Variants in STK4 observed in about 807,000 individuals in gnomAD.
The protein encoded by STK4 is serine/threonine-protein kinase 4.
A neutral mutation model predicts 64.9 loss-of-function variants in STK4; 30 were observed. The ratio of observed to expected loss-of-function variants is 0.46; its 90% CI spans 0.35 to 0.63. The LOEUF is 0.63. STK4 is among the 20% of genes least tolerant of loss of function. The probability of loss-of-function intolerance (pLI) is 0.01; values close to 1 mark genes in which losing one functional copy is unlikely to be tolerated. For synonymous variants in STK4, 177 were observed against 199.0 expected (o/e 0.89, Z 0.93); for missense variants, 466 against 598.5 (o/e 0.78, Z 2.31).
intron 9 of STK4, among the ~76,000 whole-genome samples, chr20:45,023,827 G>A (rs1393465831): frequency 1.3e-5 from 2 of 151,036 alleles, no homozygotes; most frequent in African/African-American, 4.9e-5. Flanking sequence ...CACACAGCAT[G>A]CAAGAACTGG....
intron 10 of STK4, among the ~76,000 whole-genome samples, chr20:45,074,606 T>A (rs1206806390): frequency 6.6e-6 from 1 of 152,050 alleles, no homozygotes; most frequent in Non-Finnish European, 1.5e-5. Flanking sequence ...AAAGGCGCTG[T>A]CCAGATAGAC....
chr20:44,994,788 C>G (rs1448952805), intron 5 of STK4, among the ~76,000 whole-genome samples: 2 of 152,048 alleles, frequency 1.3e-5, no homozygotes, highest in African/African-American at 4.8e-5. Flanking sequence ...ATTTTCTATG[C>G]TATTATCAGC....
chr20:45,049,279 T>A (rs1249697710), intron 10 of STK4, among the ~76,000 whole-genome samples: 1 of 152,186 alleles, frequency 6.6e-6, no homozygotes, highest in African/African-American at 2.4e-5. Context: ...CAGCAAAAAC[T>A]GTTCTTTAGA....
chr20:44,969,065 C>T (rs1459720037), intron 1 of STK4, among the ~76,000 whole-genome samples: 2 of 151,958 alleles, frequency 1.3e-5, no homozygotes, highest in African/African-American at 4.8e-5. Context: ...GTGTCCTAAT[C>T]TCCTCTTATA....
chr20:45,019,925 G>A (rs1270799158), intron 9 of STK4, among the ~76,000 whole-genome samples: 4 of 152,050 alleles, frequency 2.6e-5, no homozygotes, highest in South Asian at 2.1e-4. Flanking sequence ...TCTAGCTAAC[G>A]GGTGCTGAAA....
chr20:45,020,052 A>G (rs1018372781), intron 9 of STK4, among the ~76,000 whole-genome samples: 19 of 152,258 alleles, frequency 1.2e-4, no homozygotes, highest in Admixed American at 3.9e-4. Context: ...AGACTGTACA[A>G]TATGAGATGT....
chr20:45,032,175 A>G lies in STK4; in HGVS notation c.1305+7045A>G, dbSNP rs184708022. 4.2e-3 allele frequency among the ~76,000 whole-genome samples: 643 copies of G among 152,346 alleles called. 2 individuals carry two copies. Among genetic ancestry groups the G allele is most frequent in the African/African-American group, 0.015 (624 of 41,584 alleles). ...TTCAGTTAGACAAAAAACTAACGCAATTAACAACACTGATAAAACAGAAAA... is the reference window on the plus strand; with the variant it reads ...TTCAGTTAGACAAAAAACTAACGCAGTTAACAACACTGATAAAACAGAAAA... On this transcript the variant is annotated intron_variant, in intron 10 of 10. Coordinates refer to ENST00000372806, the MANE Select transcript of STK4 (RefSeq NM_006282.5).
chr20:44,971,665 C>CTTTTTTT (rs71197585), intron 1 of STK4, among the ~76,000 whole-genome samples: 6 of 90,370 alleles, frequency 6.6e-5, no homozygotes, highest in African/African-American at 1.3e-4. Context: ...AGCCACATGA[C>CTTTTTTT]TTTTTTTTTT....
chr20:44,989,445 A>G (rs2067594419), intron 5 of STK4, among the ~76,000 whole-genome samples: 1 of 152,106 alleles, frequency 6.6e-6, no homozygotes, highest in Non-Finnish European at 1.5e-5. Flanking sequence ...CCCATTTTTA[A>G]TTGGGTTATT....
chr20:44,980,627 G>A (rs1454655501), intron 3 of STK4, among the ~76,000 whole-genome samples: 1 of 152,136 alleles, frequency 6.6e-6, no homozygotes, highest in African/African-American at 2.4e-5. Context: ...AAATTCAAAT[G>A]AAAAGAAAAG....
At chr20:45,026,113 C>T (rs541306366) in intron 10 of STK4, among the ~76,000 whole-genome samples, 4 of 143,178 alleles carry the variant, frequency 2.8e-5, no homozygotes, top group Non-Finnish European at 6.0e-5. Flanking sequence ...TGTTCATTTA[C>T]TTACTTATCC....
At chr20:45,024,091 G>C (rs897613124) in intron 9 of STK4, among the ~76,000 whole-genome samples, 8 of 151,472 alleles carry the variant, frequency 5.3e-5, no homozygotes, top group African/African-American at 1.7e-4. Context: ...TAATAGAGAT[G>C]GGGTTTCATC....
At chr20:44,986,691 A>C (rs749247565) in intron 4 of STK4, among the ~76,000 whole-genome samples, 2 of 152,234 alleles carry the variant, frequency 1.3e-5, no homozygotes, top group Non-Finnish European at 2.9e-5. Context: ...CATGGTGATT[A>C]CAGAGGGTGT....
At chr20:44,973,076 G>T (rs1015084202) in intron 2 of STK4, 2 of 152,014 alleles carry the variant, frequency 1.3e-5, no homozygotes, top group Admixed American at 1.3e-4. Flanking sequence ...AGTATTTCTG[G>T]ATCAAGGGAA....
intron 10 of STK4, among the ~76,000 whole-genome samples, chr20:45,032,225 A>G (rs970583277): frequency 6.6e-6 from 1 of 152,142 alleles, no homozygotes; most frequent in African/African-American, 2.4e-5. Context: ...AATATATATG[A>G]AACTTTAAAA....
chr20:45,037,401 T>C (rs572165266), intron 10 of STK4, among the ~76,000 whole-genome samples: 92 of 149,920 alleles, frequency 6.1e-4, no homozygotes, highest in South Asian at 2.7e-3. Flanking sequence ...AGTACTCTTT[T>C]AGATTTTTTC....
At chr20:45,057,725 T>C (rs1477449150) in intron 10 of STK4, among the ~76,000 whole-genome samples, 1 of 152,226 alleles carries the variant, frequency 6.6e-6, no homozygotes, top group African/African-American at 2.4e-5. Context: ...TAAGTGTTTT[T>C]AACTCTGAGC....
chr20:44,991,939 C>T lies in STK4; in HGVS notation c.526-3151C>T, dbSNP rs536468187. On this transcript the variant is annotated intron_variant, in intron 5 of 10. Coordinates refer to ENST00000372806, the MANE Select transcript of STK4 (RefSeq NM_006282.5). ...TTGGCGTGCCAAAGTGCTGGGATTA[C>T]AGGTTTGAGCCATTGTGCCTGGCTG... Among the ~76,000 whole-genome samples the T allele has an allele frequency of 7.9e-5, 12 of 152,220 alleles. No homozygotes were observed. The South Asian group carries it at 1.7e-3, about 21-fold the overall frequency.
intron 2 of STK4, chr20:44,972,745 A>G (rs2067271116): frequency 1.3e-5 from 2 of 152,138 alleles, no homozygotes; most frequent in South Asian, 4.1e-4. Flanking sequence ...ATACTTTTAT[A>G]TATCATTTTA....
Sources: allele counts gnomAD v4.1 joint callset (sites outside exome capture counted in the v4.1 genomes callset), GRCh38; gene constraint gnomAD v4.1.1; transcripts MANE v1.5; gene names NCBI Gene and HGNC (gene_info 2026-07-23, HGNC 2026-07-21).